Variants in ACSS2 observed in about 807,000 individuals in gnomAD.
ACSS2 encodes the protein acyl-CoA synthetase short chain family member 2.
ACSS2 carries 58 observed loss-of-function variants against 90.6 expected under a neutral mutation model. The observed-to-expected ratio is 0.64, with a 90% CI of 0.52 to 0.80. The LOEUF is 0.80. ACSS2 is among the 30% of genes least tolerant of loss of function. The pLI, the probability that ACSS2 is intolerant of heterozygous loss-of-function variation, is 0.00. For synonymous variants in ACSS2, 300 were observed against 330.9 expected, an observed-to-expected ratio of 0.91 and a Z score of 1.01; for missense variants, 759 against 912.0, an observed-to-expected ratio of 0.83 and a Z score of 2.16.
At position 34,920,571 on chromosome 20, in the gene ACSS2, C is replaced by T. The variant is rs770207216; in HGVS notation, c.1005C>T (p.Leu335=). ...TTCACACAGTTGGGGGCTACATGCT[C>T]TATGTAGCCACAACCTTCAAGTATG... ...GVVHTVGGYM[L]YVATTFKYVF... is the part of the protein sequence containing the mutation. Residue 335 remains leucine (L), a synonymous_variant, in exon 9 of 18, where the codon CTC becomes CTT. Transcript: ENST00000360596. The T allele has an allele frequency of 5.6e-6, 9 of 1,613,978 alleles. No individual in the cohort carries two copies. The highest frequency in any genetic ancestry group is 1.7e-5 in the Admixed American group (1 of 59,984).
At chr20:34,881,861 T>C (rs559063339) in intron 1 of ACSS2, among the ~76,000 whole-genome samples, 3 of 152,272 alleles carry the variant, frequency 2.0e-5, no homozygotes, top group Admixed American at 2.0e-4. Context: ...TAAAGAAACA[T>C]TTGGCACATA....
intron 1 of ACSS2, among the ~76,000 whole-genome samples, chr20:34,877,568 A>G (rs928532194): frequency 6.6e-6 from 1 of 152,132 alleles, no homozygotes; most frequent in African/African-American, 2.4e-5. Context: ...CTGTAATCCC[A>G]GCACTTTGGG....
chr20:34,882,646 TA>T, intron 1 of ACSS2, 147 bp from the exon 2 acceptor site: 1 of 635,398 alleles, frequency 1.6e-6, no homozygotes. Flanking sequence ...TGGTGGGTGC[TA>T]AGATTAGACA....
At chr20:34,882,441 GTGAAACCC>G in intron 1 of ACSS2, among the ~76,000 whole-genome samples, 1 of 152,190 alleles carries the variant, frequency 6.6e-6, no homozygotes, top group Non-Finnish European at 1.5e-5. Flanking sequence ...GGCCAACATA[GTGAAACCC>G]CGTCTCTACT....
chr20:34,908,062 T>C (rs2080853022), intron 2 of ACSS2, among the ~76,000 whole-genome samples: 2 of 152,186 alleles, frequency 1.3e-5, no homozygotes, highest in African/African-American at 4.8e-5. Flanking sequence ...ATAATCTCTC[T>C]AGGTTTCAGT....
intron 2 of ACSS2, among the ~76,000 whole-genome samples, chr20:34,891,079 ACCTTGACAAATCT>A (rs1568969424): frequency 6.6e-6 from 1 of 152,040 alleles, no homozygotes; most frequent in African/African-American, 2.4e-5. Context: ...TTTCCATATC[ACCTTGACAAATCT>A]CCTTGACAAA....
At chr20:34,906,140 C>T (rs374659045) in intron 2 of ACSS2, among the ~76,000 whole-genome samples, 69 of 152,186 alleles carry the variant, frequency 4.5e-4, no homozygotes, top group Middle Eastern at 6.8e-3. Flanking sequence ...TTGAGACCAT[C>T]CTGGCTAACA....
chr20:34,919,335 C>T, intron 7 of ACSS2, 100 bp from the exon 8 acceptor site: 4 of 1,551,320 alleles, frequency 2.6e-6, no homozygotes, highest in East Asian at 2.3e-5. Flanking sequence ...TCCTGTACTC[C>T]TACCTGCCTG....
At chr20:34,916,913 T>C (rs1027359694) in intron 7 of ACSS2, among the ~76,000 whole-genome samples, 14 of 152,118 alleles carry the variant, frequency 9.2e-5, no homozygotes, top group African/African-American at 3.4e-4. Flanking sequence ...ACTCCTCAAT[T>C]CTTATTTTAG....
chr20:34,910,473 T>A (rs1411602569), intron 2 of ACSS2, among the ~76,000 whole-genome samples: 2 of 152,166 alleles, frequency 1.3e-5, no homozygotes, highest in Non-Finnish European at 2.9e-5. Context: ...ATATCGAGAC[T>A]CTGCCTCTAT....
intron 2 of ACSS2, among the ~76,000 whole-genome samples, chr20:34,899,427 C>T (rs200839603): frequency 0.018 from 2,028 of 115,786 alleles, 73 homozygotes; most frequent in African/African-American, 0.068. Flanking sequence ...TCTTTCTTTC[C>T]TTCCTTCCTT....
chr20:34,879,640 G>A (rs1568958521), intron 1 of ACSS2, among the ~76,000 whole-genome samples: 2 of 152,120 alleles, frequency 1.3e-5, no homozygotes, highest in Admixed American at 1.3e-4. Flanking sequence ...GCTAAGGCAC[G>A]AGAATTGCTT....
intron 2 of ACSS2, among the ~76,000 whole-genome samples, chr20:34,898,226 G>A (rs143981904): frequency 4.3e-4 from 66 of 152,274 alleles, no homozygotes; most frequent in South Asian, 2.5e-3. Flanking sequence ...GGACCTGAGC[G>A]GGTTACCACT....
chr20:34,892,362 T>C (rs1249189476), intron 2 of ACSS2, among the ~76,000 whole-genome samples: 1 of 152,188 alleles, frequency 6.6e-6, no homozygotes, highest in Non-Finnish European at 1.5e-5. Flanking sequence ...ATCCCCGGTG[T>C]CTCACATCTT....
intron 2 of ACSS2, among the ~76,000 whole-genome samples, chr20:34,883,213 G>A (rs1295591275): frequency 6.6e-6 from 1 of 152,174 alleles, no homozygotes; most frequent in Non-Finnish European, 1.5e-5. Context: ...TGGCTTTGTA[G>A]TTGAAGAGGG....
chr20:34,889,117 T>A (rs936358739), intron 2 of ACSS2, among the ~76,000 whole-genome samples: 3 of 151,400 alleles, frequency 2.0e-5, no homozygotes, highest in Admixed American at 2.0e-4. Flanking sequence ...TTTTATATTT[T>A]TGTATTTTAT....
In ACSS2 at chr20:34,882,887, T is replaced by C. The variant is rs771840227; in HGVS notation, c.272T>C (p.Ile91Thr). 4 of 1,613,802 alleles carry C rather than the reference T, an allele frequency of 2.5e-6. No homozygotes were observed. Among genetic ancestry groups the C allele is most frequent in the Non-Finnish European group, 3.4e-6 (4 of 1,179,968 alleles). The change falls in exon 2 of 18, where the codon ATC becomes ACC. Residue 91 changes from isoleucine to threonine, a missense_variant. Coordinates refer to ENST00000360596, the MANE Select transcript of ACSS2 (RefSeq NM_018677.4). ...RYNFDVTKGK[I>T]FIEWMKGATT... ...AACTTTGATGTGACTAAAGGGAAAA[T>C]CTTCATTGAGTGGATGAAAGGAGCA... is the stretch of plus-strand genomic sequence containing the variant.
At chr20:34,915,644 G>T (rs2081063237) in intron 7 of ACSS2, among the ~76,000 whole-genome samples, 1 of 152,144 alleles carries the variant, frequency 6.6e-6, no homozygotes, top group African/African-American at 2.4e-5. Flanking sequence ...TGTCAAGTTG[G>T]GGAGTTAGAC....
chr20:34,906,334 CAAAA>C (rs34277751), intron 2 of ACSS2, among the ~76,000 whole-genome samples: 3 of 75,846 alleles, frequency 4.0e-5, no homozygotes, highest in Admixed American at 1.6e-4. Flanking sequence ...GACTCCGTCT[CAAAA>C]AAAAAAAAAA....
Sources: allele counts gnomAD v4.1 joint callset (sites outside exome capture counted in the v4.1 genomes callset), GRCh38; gene constraint gnomAD v4.1.1; transcripts MANE v1.5; gene names NCBI Gene and HGNC (gene_info 2026-07-23, HGNC 2026-07-21).